The following MARCHF6 variants were observed in gnomAD, a reference collection of about 807,000 sequenced individuals.
MARCHF6 encodes the protein E3 ubiquitin-protein ligase MARCHF6.
A neutral mutation model predicts 133.7 loss-of-function variants in MARCHF6; 31 were observed. The observed-to-expected ratio is 0.23, with a 90% CI of 0.17 to 0.31. The LOEUF (loss-of-function observed/expected upper bound fraction) is 0.31, where lower values mean the gene tolerates loss of function less well. Among genes scored for constraint, MARCHF6 ranks in the 10% least tolerant of loss-of-function variants. The pLI is 1.00. For missense variants in MARCHF6, 723 were observed against 1,121.6 expected (o/e 0.64, Z 5.08); for synonymous variants, 395 against 402.5 (o/e 0.98, Z 0.22).
intron 1 of MARCHF6, among the ~76,000 whole-genome samples, chr5:10,368,785 C>G (rs1247609886): frequency 6.6e-6 from 1 of 152,092 alleles, no homozygotes; most frequent in Non-Finnish European, 1.5e-5. Context: ...GTTGGCCAGG[C>G]TGGTCTCAAA....
At chr5:10,393,717 T>C (rs1738012719) in intron 7 of MARCHF6, among the ~76,000 whole-genome samples, 1 of 152,240 alleles carries the variant, frequency 6.6e-6, no homozygotes, top group African/African-American at 2.4e-5. Flanking sequence ...TTTCTGTCTT[T>C]CTACTACCCA....
intron 16 of MARCHF6, 124 bp from the exon 17 acceptor site, chr5:10,406,978 C>T (rs573525150): frequency 2.0e-5 from 10 of 508,282 alleles, no homozygotes; most frequent in African/African-American, 1.2e-4. Context: ...GAGTGGGAAC[C>T]GCTTGGGCTT....
intron 23 of MARCHF6, among the ~76,000 whole-genome samples, chr5:10,426,097 C>G (rs1001657886): frequency 6.6e-6 from 1 of 152,186 alleles, no homozygotes; most frequent in African/African-American, 2.4e-5. Context: ...ATGAATACCA[C>G]TGAATGTCAT....
At position 10,414,620 on chromosome 5, in the gene MARCHF6, G is replaced by A. The variant is rs955125725; in HGVS notation, c.1966+118G>A. 2.6e-5 allele frequency: 20 copies of A among 758,030 alleles called. No homozygotes were observed. The Admixed American group carries it at 4.9e-4, about 19-fold the overall frequency. 47.0% of individuals were successfully genotyped at this position (758,030 alleles called of 1,614,324 possible). On this transcript the variant is annotated intron_variant, in intron 20 of 25. Transcript: ENST00000274140. ...GGTAGTAGTATGATCATAGCTTACT[G>A]CAGCCTTGAACTACTGGGCTCAAGC...
At chr5:10,377,421 C>T (rs1736858695) in intron 1 of MARCHF6, among the ~76,000 whole-genome samples, 1 of 152,212 alleles carries the variant, frequency 6.6e-6, no homozygotes. Context: ...GGACTTTAAA[C>T]CGTTAAATTG....
chr5:10,433,663 T>G lies in MARCHF6; in HGVS notation c.2712T>G (p.Pro904=). 1.2e-6 allele frequency: 2 copies of G among 1,614,132 alleles called. No homozygotes were observed. Among genetic ancestry groups the G allele is most frequent in the Non-Finnish European group, 1.7e-6 (2 of 1,179,958 alleles). The stretch of plus-strand genomic sequence containing the variant: ...GCAAACAAGGCTCATCTCCACCACC[T>G]CCACAGTCATCCCAAGAATAAAGTA... ...KSGKQGSSPP[P]PQSSQE The change falls in exon 26 of 26, where the codon CCT becomes CCG. Residue 904 remains proline (P), a synonymous_variant. Transcript: ENST00000274140.
At chr5:10,357,966 C>CTT (rs34017407) in intron 1 of MARCHF6, among the ~76,000 whole-genome samples, 55 of 108,490 alleles carry the variant, frequency 5.1e-4, no homozygotes, top group African/African-American at 1.6e-3. Flanking sequence ...GCATGGGTTG[C>CTT]TTTTTTTTTT....
In MARCHF6 at chr5:10,423,717, T is replaced by G. The variant is rs771031666; in HGVS notation, c.2284-18T>G. The G allele has an allele frequency of 5.1e-5, 80 of 1,556,854 alleles. 1 individual carries two copies. The highest frequency in any genetic ancestry group is 2.0e-5 in the Non-Finnish European group (23 of 1,131,482). The stretch of plus-strand genomic sequence containing the variant: ...TAAAAAACAACAGAAATATGTTAAA[T>G]GGTTTTTAATTCCCTAGGACTGGGC... On this transcript the variant is annotated intron_variant, in intron 22 of 25. Coordinates refer to ENST00000274140, the MANE Select transcript of MARCHF6 (RefSeq NM_005885.4).
intron 22 of MARCHF6, 76 bp downstream of exon 22, chr5:10,417,480 C>T: frequency 6.3e-7 from 1 of 1,577,426 alleles, no homozygotes; most frequent in African/African-American, 1.4e-5. Flanking sequence ...AGGCATGGGG[C>T]TTACGCCTAT....
chr5:10,402,357 C>G (rs1468746943), intron 12 of MARCHF6, 27 bp from the exon 13 acceptor site: 3 of 1,595,622 alleles, frequency 1.9e-6, no homozygotes, highest in South Asian at 1.1e-5. Flanking sequence ...TTTAAATACT[C>G]AGTTTTTCCT....
At chr5:10,415,951 T>G (rs1028995636) in intron 21 of MARCHF6, among the ~76,000 whole-genome samples, 2 of 152,198 alleles carry the variant, frequency 1.3e-5, no homozygotes, top group Non-Finnish European at 2.9e-5. Flanking sequence ...GGCAGGAGGA[T>G]TGCTTGATCC....
intron 23 of MARCHF6, among the ~76,000 whole-genome samples, chr5:10,424,862 T>G (rs967920543): frequency 6.6e-6 from 1 of 152,202 alleles, no homozygotes; most frequent in Non-Finnish European, 1.5e-5. Context: ...TTGATTGTTG[T>G]GGGAATACCT....
In MARCHF6 at chr5:10,391,535, A is replaced by AT. The variant is rs1195921505; in HGVS notation, c.577-3dup. ...ATCTAAATTTCTGGGCTTTTCTGTG[A>AT]TTTTAGGCTCCAGCAGGAGGAAATG... is the stretch of plus-strand genomic sequence containing the variant. On this transcript the variant is annotated splice_region_variant and splice_polypyrimidine_tract_variant and intron_variant, in intron 6 of 25. Coordinates refer to ENST00000274140, the MANE Select transcript of MARCHF6 (RefSeq NM_005885.4). The AT allele has an allele frequency of 1.4e-6, 2 of 1,433,538 alleles. No homozygotes were observed. Among genetic ancestry groups the AT allele is most frequent in the African/African-American group, 3.2e-5 (2 of 63,286 alleles). 88.8% of individuals were successfully genotyped at this position (1,433,538 alleles called of 1,614,324 possible).
In MARCHF6 at chr5:10,411,409, C is replaced by T. The variant is rs779935020; in HGVS notation, c.1768C>T (p.His590Tyr). Residue 590 changes from histidine to tyrosine, a missense_variant, in exon 19 of 26, where the codon CAT becomes TAT. His to Tyr is a moderately conservative substitution (Grantham distance 83, BLOSUM62 2). Coordinates refer to ENST00000274140, the MANE Select transcript of MARCHF6 (RefSeq NM_005885.4). Reference protein sequence around the residue: ...SANQQVNNNQHARNNNAIPVV... With the variant: ...SANQQVNNNQYARNNNAIPVV... Reference sequence around the variant, plus strand: ...AAATCAACAAGTTAACAATAATCAGCATGCTCGAAATAACAACGCTATTCC... The same window carrying T: ...AAATCAACAAGTTAACAATAATCAGTATGCTCGAAATAACAACGCTATTCC... The T allele has an allele frequency of 6.2e-7, 1 of 1,614,162 alleles. No homozygotes were observed. The highest frequency in any genetic ancestry group is 1.7e-5 in the Admixed American group (1 of 60,020).
At chr5:10,407,603 T>C (rs1401154544) in intron 17 of MARCHF6, among the ~76,000 whole-genome samples, 1 of 152,208 alleles carries the variant, frequency 6.6e-6, no homozygotes, top group Non-Finnish European at 1.5e-5. Context: ...GCACATTTAA[T>C]TATTAAAAAT....
intron 5 of MARCHF6, among the ~76,000 whole-genome samples, chr5:10,387,463 T>A (rs1737552591): frequency 6.6e-6 from 1 of 151,950 alleles, no homozygotes; most frequent in Admixed American, 6.5e-5. Context: ...CCAGCATGCC[T>A]GGCTAATTTT....
chr5:10,426,373 T>C lies in MARCHF6; in HGVS notation c.2374-17T>C, dbSNP rs1296696389. The C allele has an allele frequency of 1.2e-6, 2 of 1,611,940 alleles. No individual in the cohort carries two copies. Among genetic ancestry groups the C allele is most frequent in the Non-Finnish European group, 1.7e-6 (2 of 1,179,068 alleles). ...TGTCTTGTATCTTTGTTCTAATTGC[T>C]TTTTGTAATGTTTCAGGTTTACGCA... is the stretch of plus-strand genomic sequence containing the variant. On this transcript the variant is annotated splice_polypyrimidine_tract_variant and intron_variant, in intron 23 of 25. Transcript: ENST00000274140.
chr5:10,358,239 G>A (rs1159451950), intron 1 of MARCHF6, among the ~76,000 whole-genome samples: 1 of 152,124 alleles, frequency 6.6e-6, no homozygotes, highest in African/African-American at 2.4e-5. Context: ...CTGTAACGGA[G>A]TAAAAGAGTT....
At chr5:10,386,804 C>A in intron 4 of MARCHF6, 190 bp from the exon 5 acceptor site, 1 of 478,230 alleles carries the variant, frequency 2.1e-6, no homozygotes, top group East Asian at 3.1e-5. Context: ...AACATTTACT[C>A]TTCATTGTCA....
Sources: allele counts gnomAD v4.1 joint callset (sites outside exome capture counted in the v4.1 genomes callset), GRCh38; gene constraint gnomAD v4.1.1; transcripts MANE v1.5; gene names NCBI Gene and HGNC (gene_info 2026-07-23, HGNC 2026-07-21).